Variants in HBP1 observed in about 807,000 individuals in gnomAD.
HBP1 encodes the protein HMG-box transcription factor 1.
HBP1 carries 20 observed loss-of-function variants against 62.6 expected under a neutral mutation model. The ratio of observed to expected loss-of-function variants is 0.32; its 90% CI spans 0.22 to 0.46. The LOEUF (loss-of-function observed/expected upper bound fraction) is 0.46, where lower values mean the gene tolerates loss of function less well. Ranked by LOEUF, HBP1 falls within the 20% of genes least tolerant of loss-of-function variation. HBP1 has a pLI of 1.00. For synonymous variants in HBP1, 232 were observed against 206.2 expected (o/e 1.12, Z -1.07); for missense variants, 480 against 611.8 (o/e 0.78, Z 2.27).
At chr7:107,189,589 T>A (rs1002141954) in intron 7 of HBP1, 141 bp downstream of exon 7, 2 of 618,284 alleles carry the variant, frequency 3.2e-6, no homozygotes, top group African/African-American at 3.7e-5. Flanking sequence ...CCATAGGGAA[T>A]GCTTATAATA....
chr7:107,181,658 G>T (rs1051800217), intron 2 of HBP1, among the ~76,000 whole-genome samples: 6 of 143,912 alleles, frequency 4.2e-5, no homozygotes, highest in African/African-American at 1.5e-4. Context: ...TTCGTGGAGA[G>T]TTTTTTTTTT....
chr7:107,200,214 A>G lies in HBP1; in HGVS notation c.1440A>G (p.Arg480=). The G allele has an allele frequency of 6.2e-7, 1 of 1,610,628 alleles. No individual in the cohort carries two copies. The highest frequency in any genetic ancestry group is 1.7e-5 in the Admixed American group (1 of 59,796). Reference sequence around the variant, plus strand: ...GGAAGAAAATGAAGAATGAAGAGAGAAGAATGTACACATTAGAAGCAAAGG... The same window carrying G: ...GGAAGAAAATGAAGAATGAAGAGAGGAGAATGTACACATTAGAAGCAAAGG... ...DRWKKMKNEE[R]RMYTLEAKAL... is the part of the protein sequence containing the mutation. The change falls in exon 10 of 11, where the codon AGA becomes AGG. Residue 480 remains arginine, a synonymous_variant. Transcript: ENST00000222574.
At chr7:107,187,638 CTTCACTTT>C (rs144190507) in intron 6 of HBP1, among the ~76,000 whole-genome samples, 23,577 of 152,138 alleles carry the variant, frequency 0.15, 2,255 homozygotes, top group Non-Finnish European at 0.21. Context: ...TTGCTTTACT[CTTCACTTT>C]AGTGAAGTTC....
chr7:107,171,366 G>A (rs1305868241), intron 1 of HBP1, among the ~76,000 whole-genome samples: 3 of 151,624 alleles, frequency 2.0e-5, no homozygotes, highest in Admixed American at 1.3e-4. Context: ...CACCGTGCCC[G>A]GCCCACTATA....
chr7:107,189,464 C>T lies in HBP1; in HGVS notation c.922+16C>T. The T allele has an allele frequency of 6.4e-7, 1 of 1,570,268 alleles. No individual in the cohort carries two copies. The highest frequency in any genetic ancestry group is 8.7e-7 in the Non-Finnish European group (1 of 1,154,452). On this transcript the variant is annotated intron_variant, in intron 7 of 10. Transcript: ENST00000222574. ...AAAAATAAAGGTAGGGCTTGAATTG[C>T]ATTTGTAGTAACTTTTTTTAAACAA...
chr7:107,199,615 G>C (rs886308585), intron 9 of HBP1, among the ~76,000 whole-genome samples: 1 of 152,194 alleles, frequency 6.6e-6, no homozygotes, highest in Non-Finnish European at 1.5e-5. Flanking sequence ...ATGGCTGAAA[G>C]CTCTTCATAG....
chr7:107,171,470 C>T (rs1286003630), intron 1 of HBP1, among the ~76,000 whole-genome samples: 1 of 152,016 alleles, frequency 6.6e-6, no homozygotes, highest in Non-Finnish European at 1.5e-5. Context: ...CTGCTCTGTG[C>T]TGAGGGTTCT....
intron 6 of HBP1, among the ~76,000 whole-genome samples, chr7:107,187,362 A>G (rs142342146): frequency 1.3e-3 from 191 of 152,342 alleles, no homozygotes; most frequent in African/African-American, 4.5e-3. Context: ...AGCCAATTAT[A>G]TTAAGTTACT....
At chr7:107,182,314 A>G in intron 2 of HBP1, 59 bp from the exon 3 acceptor site, 1 of 892,926 alleles carries the variant, frequency 1.1e-6, no homozygotes, top group Non-Finnish European at 1.9e-6. Flanking sequence ...CTGCAGTTAT[A>G]ATATTGTTCC....
chr7:107,186,177 T>TC (rs923612198), intron 4 of HBP1, among the ~76,000 whole-genome samples, 184 bp from the exon 5 acceptor site: 1 of 150,258 alleles, frequency 6.7e-6, no homozygotes, highest in African/African-American at 2.4e-5. Context: ...TTTTTTTTTT[T>TC]TTTTTAGCAA....
At chr7:107,199,311 G>A (rs1798089751) in intron 9 of HBP1, among the ~76,000 whole-genome samples, 1 of 152,118 alleles carries the variant, frequency 6.6e-6, no homozygotes, top group Admixed American at 6.5e-5. Context: ...TGAACTCGTG[G>A]CCTCAAGTGA....
intron 3 of HBP1, among the ~76,000 whole-genome samples, chr7:107,183,702 G>A (rs1797223703): frequency 6.6e-6 from 1 of 151,346 alleles, no homozygotes; most frequent in Admixed American, 6.6e-5. Flanking sequence ...CAGAGTCATA[G>A]GATTAATAAT....
intron 8 of HBP1, among the ~76,000 whole-genome samples, chr7:107,191,885 C>T (rs775654000): frequency 4.6e-5 from 7 of 152,202 alleles, no homozygotes; most frequent in Admixed American, 6.5e-5. Context: ...AGAGAATTCA[C>T]AAGACTCTGC....
intron 1 of HBP1, among the ~76,000 whole-genome samples, chr7:107,170,725 A>G (rs1216270191): frequency 6.6e-6 from 1 of 151,764 alleles, no homozygotes; most frequent in Non-Finnish European, 1.5e-5. Flanking sequence ...AAACCTACTT[A>G]TCTTTTCTGT....
intron 2 of HBP1, among the ~76,000 whole-genome samples, chr7:107,181,145 C>T (rs1356387613): frequency 6.6e-6 from 1 of 152,110 alleles, no homozygotes; most frequent in Non-Finnish European, 1.5e-5. Flanking sequence ...TGAAAGAAGT[C>T]AGTTTTTACA....
chr7:107,170,112 A>G, intron 1 of HBP1: 1 of 978,520 alleles, frequency 1.0e-6, no homozygotes, highest in Non-Finnish European at 1.2e-6. Flanking sequence ...TCGTTTTTAG[A>G]AGGAGCACTG....
chr7:107,196,261 T>C (rs781256191), intron 9 of HBP1, 110 bp downstream of exon 9: 8 of 771,506 alleles, frequency 1.0e-5, no homozygotes, highest in East Asian at 2.7e-5. Flanking sequence ...TATTCAACTC[T>C]TAGGTTGACT....
chr7:107,191,132 A>T (rs1797628663), intron 8 of HBP1, among the ~76,000 whole-genome samples: 1 of 152,208 alleles, frequency 6.6e-6, no homozygotes, highest in African/African-American at 2.4e-5. Flanking sequence ...AATTCTCAAG[A>T]GTCCCTGCTG....
At chr7:107,188,441 C>T (rs965069118) in intron 6 of HBP1, among the ~76,000 whole-genome samples, 3 of 152,118 alleles carry the variant, frequency 2.0e-5, no homozygotes, top group African/African-American at 7.2e-5. Flanking sequence ...ATTTTTAAGT[C>T]ATCCTCTCTT....
Sources: gnomAD v4.1 joint callset for allele counts (sites outside exome capture counted in the v4.1 genomes callset) on GRCh38, gnomAD v4.1.1 for gene constraint, MANE v1.5 for transcripts, NCBI Gene and HGNC (gene_info 2026-07-23, HGNC 2026-07-21) for gene names.